FOXK2: variants seen among roughly 807,000 people sequenced by gnomAD.
The protein encoded by FOXK2 is forkhead box K2.
Under a neutral mutation model 53.3 loss-of-function variants are expected in FOXK2, and 24 were observed. The observed-to-expected ratio is 0.45, with a 90% CI of 0.33 to 0.63. FOXK2 has a LOEUF of 0.63. Ranked by LOEUF, FOXK2 falls within the 30% of genes least tolerant of loss-of-function variation. The pLI, the probability that FOXK2 is intolerant of heterozygous loss-of-function variation, is 0.03. For missense variants in FOXK2, 952 were observed against 910.5 expected (o/e 1.05, Z -0.59); for synonymous variants, 505 against 407.1 (o/e 1.24, Z -2.89).
At chr17:82,539,099 G>A (rs995287292) in intron 1 of FOXK2, among the ~76,000 whole-genome samples, 2 of 152,112 alleles carry the variant, frequency 1.3e-5, no homozygotes, top group Non-Finnish European at 2.9e-5. Flanking sequence ...TAAGGTGGCC[G>A]GGCGTGGTGG....
At chr17:82,545,280 A>G (rs1483984131) in intron 1 of FOXK2, among the ~76,000 whole-genome samples, 1 of 152,164 alleles carries the variant, frequency 6.6e-6, no homozygotes, top group Non-Finnish European at 1.5e-5. Flanking sequence ...CGGAATTCCT[A>G]TCCCGAATTC....
At chr17:82,535,799 G>A (rs556867852) in intron 1 of FOXK2, among the ~76,000 whole-genome samples, 97 of 149,638 alleles carry the variant, frequency 6.5e-4, no homozygotes, top group Admixed American at 2.3e-3. Flanking sequence ...CCAGGCTGGA[G>A]TGCAGTGGCG....
At chr17:82,559,822 G>A (rs1307005501) in intron 1 of FOXK2, among the ~76,000 whole-genome samples, 1 of 152,036 alleles carries the variant, frequency 6.6e-6, no homozygotes, top group African/African-American at 2.4e-5. Flanking sequence ...AAAAGCTTTA[G>A]AGCAGGAAGG....
chr17:82,558,071 G>A (rs781736484), intron 1 of FOXK2, among the ~76,000 whole-genome samples: 7 of 152,180 alleles, frequency 4.6e-5, no homozygotes, highest in Non-Finnish European at 1.0e-4. Context: ...AGTGGCCCAT[G>A]CCTGTGCTTC....
At position 82,604,542 on chromosome 17, in the gene FOXK2, T is replaced by G. The variant is rs956808818; in HGVS notation, c.*3043T>G. The G allele has an allele frequency of 6.6e-6, 1 of 152,646 alleles. No homozygotes were observed. Among genetic ancestry groups the G allele is most frequent in the Admixed American group, 6.5e-5 (1 of 15,284 alleles). 9.5% of individuals were successfully genotyped at this position (152,646 alleles called of 1,614,324 possible). On this transcript the variant is annotated 3_prime_UTR_variant, in exon 9 of 9. Transcript: ENST00000335255. ...ATAGTGGTGATTTGTGTGCAAAGAT[T>G]TGAAGTTTTAAAAAAGTACCAAGTT...
intron 8 of FOXK2, chr17:82,587,575 A>ATCC (rs1214437740): frequency 1.7e-4 from 70 of 424,186 alleles, no homozygotes; most frequent in Non-Finnish European, 2.8e-4. Flanking sequence ...AAACGGCGGG[A>ATCC]GCCGCCGCGT....
rs181540537 is a variant in FOXK2, at chr17:82,594,542, A to G, written c.1787-6761A>G. Among the ~76,000 whole-genome samples the G allele has an allele frequency of 5.2e-4, 78 of 151,254 alleles. No homozygotes were observed. The East Asian group carries it at 0.014, about 27-fold the overall frequency. ...GCTCCAGACACTTCAGTTTGAAAAT[A>G]TTGGAATTTATGTGGGGAGGATTAG... On this transcript the variant is annotated intron_variant, in intron 8 of 8. Coordinates refer to ENST00000335255, the MANE Select transcript of FOXK2 (RefSeq NM_004514.4).
intron 1 of FOXK2, among the ~76,000 whole-genome samples, chr17:82,549,299 T>A (rs752919156): frequency 1.3e-5 from 2 of 152,174 alleles, no homozygotes; most frequent in Non-Finnish European, 2.9e-5. Flanking sequence ...GCAACTTCCT[T>A]ATCACAGTTA....
At chr17:82,571,125 G>A (rs2044912941) in intron 3 of FOXK2, among the ~76,000 whole-genome samples, 1 of 152,140 alleles carries the variant, frequency 6.6e-6, no homozygotes, top group Non-Finnish European at 1.5e-5. Flanking sequence ...GTACCCCTGG[G>A]GTAGCTGACA....
At chr17:82,587,908 G>A (rs927414097) in intron 8 of FOXK2, among the ~76,000 whole-genome samples, 8 of 152,190 alleles carry the variant, frequency 5.3e-5, no homozygotes, top group African/African-American at 1.7e-4. Flanking sequence ...GCTGTTGCCG[G>A]CTGTGTGGCT....
intron 1 of FOXK2, among the ~76,000 whole-genome samples, chr17:82,552,413 A>T (rs2044685496): frequency 6.6e-6 from 1 of 152,016 alleles, no homozygotes. Context: ...CTGCTATGGC[A>T]ACTGTGTCCT....
At position 82,586,067 on chromosome 17, in the gene FOXK2, G is replaced by A. The variant is rs375133721; in HGVS notation, c.1443G>A (p.Ser481=). The A allele has an allele frequency of 1.1e-5, 18 of 1,612,648 alleles. No individual in the cohort carries two copies. Among genetic ancestry groups the A allele is most frequent in the Middle Eastern group, 1.6e-4 (1 of 6,084 alleles). ...VHVVHQIPAV[S]VTSVAGLAPA... is the part of the protein sequence containing the mutation. ...TCGTCCACCAGATCCCAGCGGTGTC[G>A]GTCACCAGTGTGGCCGGACTGGCCC... Residue 481 remains serine (S), a synonymous_variant, in exon 7 of 9, where the codon TCG becomes TCA. Transcript: ENST00000335255.
intron 7 of FOXK2, 21 bp from the exon 8 acceptor site, chr17:82,587,042 T>C: frequency 6.2e-7 from 1 of 1,609,322 alleles, no homozygotes; most frequent in East Asian, 2.2e-5. Flanking sequence ...ATTAATGTCG[T>C]TTCTTTTCCT....
At chr17:82,595,943 G>A (rs2045305592) in intron 8 of FOXK2, 2 of 1,252,216 alleles carry the variant, frequency 1.6e-6, no homozygotes, top group Admixed American at 5.1e-5. Flanking sequence ...CAGGTGGAAG[G>A]TTGTCCAGAG....
intron 4 of FOXK2, among the ~76,000 whole-genome samples, chr17:82,572,597 T>C (rs1398388574): frequency 6.6e-6 from 1 of 152,186 alleles, no homozygotes; most frequent in Non-Finnish European, 1.5e-5. Context: ...GTTGGCTGTT[T>C]ACTGGATGTA....
At chr17:82,563,307 C>A in intron 1 of FOXK2, 47 bp from the exon 2 acceptor site, 1 of 1,573,624 alleles carries the variant, frequency 6.4e-7, no homozygotes, top group Non-Finnish European at 8.6e-7. Flanking sequence ...CTGCCCTGCC[C>A]CGGCTGGAAC....
At chr17:82,559,614 G>C (rs2044771693) in intron 1 of FOXK2, 1 of 404,972 alleles carries the variant, frequency 2.5e-6, no homozygotes, top group South Asian at 1.8e-5. Context: ...CTCGTGCCAG[G>C]CTGGTCTTCC....
At position 82,587,202 on chromosome 17, in the gene FOXK2, A is replaced by G; in HGVS notation, c.1716A>G (p.Ile572Met). ...QAPLGQHQLP[I>M]KTVTQNGTHV... is the part of the protein sequence containing the mutation. ...CTCTAGGTCAACACCAGCTACCAAT[A>G]AAAACTGTAACACAAAACGGCACTC... Residue 572 changes from isoleucine to methionine, a missense_variant, in exon 8 of 9, where the codon ATA (isoleucine) becomes ATG (methionine). By Grantham distance (10) the Ile-to-Met change is conservative. Transcript: ENST00000335255. The G allele has an allele frequency of 6.2e-7, 1 of 1,613,082 alleles. No individual in the cohort carries two copies. The highest frequency in any genetic ancestry group is 8.5e-7 in the Non-Finnish European group (1 of 1,180,008).
chr17:82,587,892 A>G (rs766867286), intron 8 of FOXK2, among the ~76,000 whole-genome samples: 2 of 152,130 alleles, frequency 1.3e-5, no homozygotes, highest in Admixed American at 1.3e-4. Context: ...GGTTGGGTAC[A>G]TGTGGGCTGT....
Sources: gnomAD v4.1 joint callset for allele counts (sites outside exome capture counted in the v4.1 genomes callset) on GRCh38, gnomAD v4.1.1 for gene constraint, MANE v1.5 for transcripts, NCBI Gene and HGNC (gene_info 2026-07-23, HGNC 2026-07-21) for gene names.